Variants in SKAP1 observed in about 807,000 individuals in gnomAD.
The protein encoded by SKAP1 is src kinase associated phosphoprotein 1.
SKAP1 carries 44 observed loss-of-function variants against 58.5 expected under a neutral mutation model. The observed-to-expected ratio is 0.75, with a 90% confidence interval of 0.59 to 0.97. The LOEUF is 0.97. SKAP1 is among the 50% of genes least tolerant of loss of function. The pLI is 0.00. For synonymous variants in SKAP1, 127 were observed against 149.7 expected (o/e 0.85, Z 1.11); for missense variants, 390 against 435.2 (o/e 0.90, Z 0.92).
intron 9 of SKAP1, among the ~76,000 whole-genome samples, chr17:48,175,977 T>G (rs1312649585): frequency 6.6e-6 from 1 of 152,194 alleles, no homozygotes; most frequent in Non-Finnish European, 1.5e-5. Flanking sequence ...TTTGTATTTT[T>G]GGTCTCTATT....
intron 1 of SKAP1, among the ~76,000 whole-genome samples, chr17:48,403,809 G>C (rs1277709195): frequency 6.6e-6 from 1 of 152,054 alleles, no homozygotes; most frequent in Admixed American, 6.6e-5. Flanking sequence ...GATCACAGCC[G>C]GGCACAGTGG....
At chr17:48,366,540 T>A (rs2067004902) in intron 2 of SKAP1, among the ~76,000 whole-genome samples, 1 of 152,298 alleles carries the variant, frequency 6.6e-6, no homozygotes, top group South Asian at 2.1e-4. Flanking sequence ...TCCATATCAA[T>A]GCAGGGGCAT....
intron 4 of SKAP1, among the ~76,000 whole-genome samples, chr17:48,295,868 G>A (rs1041338468): frequency 1.3e-5 from 2 of 151,528 alleles, no homozygotes; most frequent in African/African-American, 4.9e-5. Context: ...AGGAAAATGA[G>A]TACATAACAC....
intron 11 of SKAP1, among the ~76,000 whole-genome samples, chr17:48,158,660 A>G (rs1022443345): frequency 6.7e-6 from 1 of 150,196 alleles, no homozygotes; most frequent in African/African-American, 2.4e-5. Flanking sequence ...TGCTTGGGTG[A>G]CTATTAAGAA....
At chr17:48,408,393 T>C (rs1161518299) in intron 1 of SKAP1, among the ~76,000 whole-genome samples, 2 of 152,148 alleles carry the variant, frequency 1.3e-5, no homozygotes, top group African/African-American at 2.4e-5. Flanking sequence ...TTTCAAACCT[T>C]TGAGTAATAA....
At chr17:48,285,623 A>G in intron 4 of SKAP1, among the ~76,000 whole-genome samples, 1 of 152,112 alleles carries the variant, frequency 6.6e-6, no homozygotes, top group East Asian at 1.9e-4. Flanking sequence ...TGAAAAAAAA[A>G]AAAAAAAGGG....
At chr17:48,347,977 T>C (rs1015120580) in intron 3 of SKAP1, among the ~76,000 whole-genome samples, 6 of 152,196 alleles carry the variant, frequency 3.9e-5, no homozygotes, top group Admixed American at 6.5e-5. Context: ...CTGAACATTA[T>C]GTATAAACTA....
intron 4 of SKAP1, among the ~76,000 whole-genome samples, chr17:48,247,684 C>A (rs2065313113): frequency 6.6e-6 from 1 of 151,996 alleles, no homozygotes; most frequent in Non-Finnish European, 1.5e-5. Context: ...TATATTTTTT[C>A]ATCCTTTTTC....
At chr17:48,437,481 G>A in the SKAP1 span, among the ~76,000 whole-genome samples, 21 of 152,234 alleles carry the variant, frequency 1.4e-4, no homozygotes, top group South Asian at 8.3e-4. Flanking sequence ...GGTGACTCAC[G>A]CCTGTAATCC....
intron 4 of SKAP1, among the ~76,000 whole-genome samples, chr17:48,309,269 C>T (rs9899753): frequency 0.17 from 26,208 of 151,874 alleles, 2,315 homozygotes; most frequent in Non-Finnish European, 0.19. Context: ...TTTCATGTTA[C>T]TTTTCCACTA....
At chr17:48,423,710 C>A (rs893459618) in intron 1 of SKAP1, among the ~76,000 whole-genome samples, 1 of 152,162 alleles carries the variant, frequency 6.6e-6, no homozygotes, top group African/African-American at 2.4e-5. Context: ...ATGAAAAATT[C>A]ATGGTACCAA....
intron 4 of SKAP1, among the ~76,000 whole-genome samples, chr17:48,223,102 G>A (rs548142049): frequency 6.7e-6 from 1 of 148,650 alleles, no homozygotes; most frequent in East Asian, 2.0e-4. Context: ...CTTAAAAGGT[G>A]CATGGTTTGA....
intron 6 of SKAP1, among the ~76,000 whole-genome samples, chr17:48,187,264 A>C (rs2123341): frequency 0.53 from 80,646 of 152,018 alleles, 23,177 homozygotes; most frequent in East Asian, 0.77. Context: ...TGGCTCATTA[A>C]GAAACTATCT....
At position 48,378,060 on chromosome 17, in the gene SKAP1, C is replaced by T. The variant is rs2067172653; in HGVS notation, c.153-14246G>A. 2.0e-5 allele frequency among the ~76,000 whole-genome samples: 3 copies of T among 152,056 alleles called. No homozygotes were observed. The South Asian group carries it at 6.2e-4, about 32-fold the overall frequency. ...TTACTATATATATCCCATTAGTCAC[C>T]AAGACCTGTAGATTCTACTCCCTTA... is the stretch of plus-strand genomic sequence containing the variant. On this transcript the variant is annotated intron_variant, in intron 2 of 12. Coordinates refer to ENST00000336915, the MANE Select transcript of SKAP1 (RefSeq NM_003726.4).
intron 4 of SKAP1, among the ~76,000 whole-genome samples, chr17:48,216,893 A>C (rs1888976087): frequency 1.3e-5 from 2 of 152,168 alleles, no homozygotes; most frequent in Admixed American, 1.3e-4. Context: ...TAAGTATCAG[A>C]TTCAAAACTT....
At chr17:48,193,164 C>A (rs1302008387) in intron 4 of SKAP1, among the ~76,000 whole-genome samples, 2 of 152,190 alleles carry the variant, frequency 1.3e-5, no homozygotes, top group Non-Finnish European at 2.9e-5. Flanking sequence ...GCTCCAGCTT[C>A]CCAAGTAGCT....
chr17:48,432,122 C>G (rs1189121937), upstream of SKAP1, among the ~76,000 whole-genome samples: 2 of 152,200 alleles, frequency 1.3e-5, no homozygotes, highest in Non-Finnish European at 2.9e-5. Context: ...ATCCTCCTTC[C>G]TGCCCTGAGA....
At chr17:48,244,573 GTTTACTTCCT>G (rs2065275037) in intron 4 of SKAP1, among the ~76,000 whole-genome samples, 1 of 151,992 alleles carries the variant, frequency 6.6e-6, no homozygotes. Flanking sequence ...TGCCAAGCAA[GTTTACTTCCT>G]GTTAAAGGTT....
At chr17:48,279,236 A>G (rs2065738420) in intron 4 of SKAP1, among the ~76,000 whole-genome samples, 1 of 152,194 alleles carries the variant, frequency 6.6e-6, no homozygotes, top group Non-Finnish European at 1.5e-5. Context: ...AAAAAAAAAG[A>G]GAAGATCCTC....
Sources: gnomAD v4.1 joint callset for allele counts (sites outside exome capture counted in the v4.1 genomes callset) on GRCh38, gnomAD v4.1.1 for gene constraint, MANE v1.5 for transcripts, NCBI Gene and HGNC (gene_info 2026-07-23, HGNC 2026-07-21) for gene names.